The following COL5A2 variants were observed in gnomAD, a reference collection of about 807,000 sequenced individuals.
COL5A2 encodes the protein collagen type V alpha 2 chain.
Under a neutral mutation model 208.2 loss-of-function variants are expected in COL5A2, and 23 were observed. That is an observed-to-expected ratio of 0.11 (90% CI 0.08 to 0.16). The LOEUF (loss-of-function observed/expected upper bound fraction) is 0.16, where lower values mean the gene tolerates loss of function less well. COL5A2 is among the 10% of genes least tolerant of loss of function. COL5A2 has a pLI of 1.00. For synonymous variants in COL5A2, 625 were observed against 628.5 expected (o/e 0.99, Z 0.08); for missense variants, 1,590 against 1,956.4 (o/e 0.81, Z 3.53).
chr2:189,242,992 C>T, the COL5A2 span, among the ~76,000 whole-genome samples: 1 of 152,038 alleles, frequency 6.6e-6, no homozygotes, highest in African/African-American at 2.4e-5. Flanking sequence ...TCAAAGTCTG[C>T]ACTATTTTGA....
the COL5A2 span, among the ~76,000 whole-genome samples, chr2:189,396,835 T>C: frequency 6.6e-6 from 1 of 150,904 alleles, no homozygotes; most frequent in Non-Finnish European, 1.5e-5. Context: ...TCTACTAACA[T>C]ACAAAAATTA....
At chr2:189,066,652 A>T in intron 22 of COL5A2, 77 bp downstream of exon 22, 1 of 1,365,896 alleles carries the variant, frequency 7.3e-7, no homozygotes, top group Non-Finnish European at 1.0e-6. Context: ...TTATTATTTT[A>T]AACCCTTGAG....
chr2:189,088,764 T>G lies in COL5A2; in HGVS notation c.576A>C (p.Ser192=). Residue 192 remains serine (S), a synonymous_variant, in exon 8 of 54, where the codon TCA becomes TCC. Coordinates refer to ENST00000374866, the MANE Select transcript of COL5A2 (RefSeq NM_000393.5). The stretch of plus-strand genomic sequence containing the variant: ...TTTCATCCAACCCAGCCATTTGAGC[T>G]GAAAACGGCTGTAAAAGCGATATGT... ...PGPDGLSRPF[S]AQMAGLDEKS... The G allele has an allele frequency of 1.9e-6, 3 of 1,613,942 alleles. No individual in the cohort carries two copies. Among genetic ancestry groups the G allele is most frequent in the Non-Finnish European group, 2.5e-6 (3 of 1,179,854 alleles).
chr2:189,259,219 AG>A, the COL5A2 span, among the ~76,000 whole-genome samples: 1 of 152,308 alleles, frequency 6.6e-6, no homozygotes, highest in East Asian at 1.9e-4. Context: ...CAATTATGCA[AG>A]CAAAAAATGC....
At chr2:189,075,476 C>A (rs750425313) in intron 16 of COL5A2, 39 bp from the exon 17 acceptor site, 1 of 1,502,324 alleles carries the variant, frequency 6.7e-7, no homozygotes, top group South Asian at 1.1e-5. Context: ...GATAAGATTA[C>A]ATTTTAGACT....
the COL5A2 span, among the ~76,000 whole-genome samples, chr2:189,252,151 T>G: frequency 1.1e-4 from 16 of 152,156 alleles, no homozygotes; most frequent in African/African-American, 3.4e-4. Flanking sequence ...GGAACACTTT[T>G]ACACTGTTGG....
intron 1 of COL5A2, among the ~76,000 whole-genome samples, chr2:189,176,487 T>G (rs547626367): frequency 3.9e-5 from 6 of 152,268 alleles, no homozygotes; most frequent in African/African-American, 1.4e-4. Context: ...CCTTCCCTTC[T>G]CCATTGCTTA....
the COL5A2 span, among the ~76,000 whole-genome samples, chr2:189,326,432 C>T: frequency 6.6e-6 from 1 of 152,104 alleles, no homozygotes; most frequent in East Asian, 1.9e-4. Context: ...TAATGGTTCA[C>T]ACTTGTAATC....
chr2:189,162,639 T>C (rs1688390107), intron 1 of COL5A2, among the ~76,000 whole-genome samples: 1 of 152,208 alleles, frequency 6.6e-6, no homozygotes, highest in South Asian at 2.1e-4. Context: ...GATTTAAACA[T>C]ACATGTGAGT....
chr2:189,413,783 A>AC, the COL5A2 span, among the ~76,000 whole-genome samples: 1 of 79,176 alleles, frequency 1.3e-5, no homozygotes, highest in Non-Finnish European at 2.2e-5. Context: ...CCTTGGCGTC[A>AC]TTTTTTTTTT....
the COL5A2 span, among the ~76,000 whole-genome samples, chr2:189,356,148 G>C: frequency 6.6e-6 from 1 of 152,202 alleles, no homozygotes. Context: ...TCCACTGTTA[G>C]TCTGATGGGG....
At chr2:189,226,301 T>C (rs546032832), upstream of COL5A2, among the ~76,000 whole-genome samples, 7 of 152,188 alleles carry the variant, frequency 4.6e-5, no homozygotes, top group African/African-American at 1.4e-4. Flanking sequence ...ATCAGCAAGA[T>C]GTAGTAATAA....
chr2:189,291,336 T>A, the COL5A2 span, among the ~76,000 whole-genome samples: 1 of 152,178 alleles, frequency 6.6e-6, no homozygotes, highest in African/African-American at 2.4e-5. Flanking sequence ...ATTAGCTCTA[T>A]AATCTTAACT....
At chr2:189,206,437 C>A (rs1158823655) in intron 1 of COL5A2, among the ~76,000 whole-genome samples, 2 of 152,062 alleles carry the variant, frequency 1.3e-5, no homozygotes, top group African/African-American at 2.4e-5. Flanking sequence ...CCCTTTAGAC[C>A]AACTGCATGC....
chr2:189,320,166 C>A, the COL5A2 span, among the ~76,000 whole-genome samples: 1 of 152,122 alleles, frequency 6.6e-6, no homozygotes, highest in East Asian at 1.9e-4. Flanking sequence ...CCCATCTGTA[C>A]GTCACCATCA....
chr2:189,402,810 T>C, the COL5A2 span, among the ~76,000 whole-genome samples: 1 of 152,110 alleles, frequency 6.6e-6, no homozygotes, highest in Non-Finnish European at 1.5e-5. Flanking sequence ...TAGTATAGTA[T>C]AGCCTTATAG....
chr2:189,297,520 C>T, the COL5A2 span, among the ~76,000 whole-genome samples: 2 of 152,030 alleles, frequency 1.3e-5, no homozygotes, highest in Non-Finnish European at 2.9e-5. Context: ...AAAATTGATA[C>T]ATAGTGATTC....
At chr2:189,307,850 C>A in the COL5A2 span, among the ~76,000 whole-genome samples, 1 of 152,184 alleles carries the variant, frequency 6.6e-6, no homozygotes, top group Admixed American at 6.5e-5. Flanking sequence ...ACCCTTGTAG[C>A]AGGGCACATC....
At chr2:189,375,189 T>A in the COL5A2 span, among the ~76,000 whole-genome samples, 1 of 151,994 alleles carries the variant, frequency 6.6e-6, no homozygotes, top group East Asian at 1.9e-4. Context: ...GCTAATTTTT[T>A]TGTATTTTTA....
Sources: allele counts gnomAD v4.1 joint callset (sites outside exome capture counted in the v4.1 genomes callset), GRCh38; gene constraint gnomAD v4.1.1; transcripts MANE v1.5; gene names NCBI Gene and HGNC (gene_info 2026-07-23, HGNC 2026-07-21).